The following DSG1 variants were observed in gnomAD, a reference collection of about 807,000 sequenced individuals.
DSG1 encodes the protein desmoglein 1, also known as desmoglein-1.
In DSG1, 39 loss-of-function variants were observed where a neutral mutation model predicts 97.5. The observed-to-expected ratio is 0.40, with a 90% CI of 0.31 to 0.52. The LOEUF (loss-of-function observed/expected upper bound fraction) is 0.52, where lower values mean the gene tolerates loss of function less well. Among genes scored for constraint, DSG1 ranks in the 20% least tolerant of loss-of-function variants. DSG1 has a pLI of 0.53. For missense variants in DSG1, 1,311 were observed against 1,295.4 expected (o/e 1.01, Z -0.18); for synonymous variants, 475 against 443.4 (o/e 1.07, Z -0.90).
intron 4 of DSG1, among the ~76,000 whole-genome samples, chr18:31,329,236 A>G (rs1045543245): frequency 2.0e-5 from 3 of 151,822 alleles, no homozygotes; most frequent in African/African-American, 2.4e-5. Flanking sequence ...ATTTCTCTCT[A>G]TCGTCATGGC....
chr18:31,324,664 C>T (rs1182559802), intron 1 of DSG1, among the ~76,000 whole-genome samples: 1 of 152,138 alleles, frequency 6.6e-6, no homozygotes, highest in Non-Finnish European at 1.5e-5. Context: ...CCCATTTGTT[C>T]TCAAGCCCTG....
In DSG1 at chr18:31,336,532, C is replaced by G. The variant is rs16961655; in HGVS notation, c.1184C>G (p.Thr395Ser). The G allele has an allele frequency of 1.5e-3, 2,473 of 1,613,970 alleles. 29 individuals carry two copies. In the African/African-American group the frequency reaches 0.029, roughly 19 times the overall value. The change falls in exon 9 of 15, where the codon ACT (threonine) becomes AGT (serine). Residue 395 changes from threonine to serine, a missense_variant. By Grantham distance (58) the Thr-to-Ser change is moderately conservative. Coordinates refer to ENST00000257192, the MANE Select transcript of DSG1 (RefSeq NM_001942.4). ...CCAGGTTCAAAGACATATGTTGTAA[C>G]TGGTAATATGGGATCAAATGATAAA... ...FRPGSKTYVV[T>S]GNMGSNDKVG...
At position 31,346,322 on chromosome 18, in the gene DSG1, T is replaced by C; in HGVS notation, c.2100+124T>C. 9 of 826,556 alleles carry C rather than the reference T, an allele frequency of 1.1e-5. No individual in the cohort carries two copies. In the South Asian group the frequency reaches 1.3e-4, roughly 12 times the overall value. 51.2% of individuals were successfully genotyped at this position (826,556 alleles called of 1,614,324 possible). Reference sequence around the variant, plus strand: ...TAACTAGATTCTCAGCCTTTAGTTTTTGTGCCCAACAATCCATGCTGTTAA... The same window carrying C: ...TAACTAGATTCTCAGCCTTTAGTTTCTGTGCCCAACAATCCATGCTGTTAA... On this transcript the variant is annotated intron_variant, in intron 14 of 14. Transcript: ENST00000257192.
At chr18:31,347,869 T>C (rs923670640) in intron 14 of DSG1, 2 of 140,948 alleles carry the variant, frequency 1.4e-5, no homozygotes, top group Non-Finnish European at 2.9e-5. Context: ...AACTATGAAC[T>C]ACTTTTCCAG....
intron 11 of DSG1, 140 bp from the exon 12 acceptor site, chr18:31,343,287 TTTGGGGTCTGACCATCATTCAGC>T: frequency 3.1e-6 from 3 of 961,738 alleles, no homozygotes; most frequent in Non-Finnish European, 4.9e-6. Context: ...TCCCATTTAC[TTTGGGGTCTGACCATCATTCAGC>T]TTGTATTCTG....
Position 31,329,967 on chromosome 18 carries a change from A to T in DSG1, c.448A>T (p.Ile150Leu), listed in dbSNP as rs140424661. Residue 150 changes from isoleucine to leucine, a missense_variant, in exon 5 of 15, where the codon ATA becomes TTA. Ile to Leu is a conservative substitution (Grantham distance 5, BLOSUM62 2). This residue lies in a region of DSG1 where 259 missense variants were observed against 304.1 expected (regional missense o/e 0.85). Transcript: ENST00000257192. ...PLELRVRVLD[I>L]NDNPPVFSMA... is the part of the protein sequence containing the mutation. ...AGAGCTCAGAGTCAGGGTTTTGGAT[A>T]TAAATGACAACCCTCCAGTGTTTTC... The T allele has an allele frequency of 6.2e-7, 1 of 1,613,386 alleles. No individual in the cohort carries two copies. Among genetic ancestry groups the T allele is most frequent in the African/African-American group, 1.3e-5 (1 of 75,028 alleles).
intron 1 of DSG1, among the ~76,000 whole-genome samples, chr18:31,322,478 C>A (rs985702655): frequency 6.6e-6 from 1 of 152,184 alleles, no homozygotes; most frequent in African/African-American, 2.4e-5. Context: ...AAGTCTTAAT[C>A]TAGTGTTGGA....
rs758462730 is a variant in DSG1, at chr18:31,319,518, G to A, written c.48+1170G>A. 1.8e-4 allele frequency among the ~76,000 whole-genome samples: 27 copies of A among 152,174 alleles called. No homozygotes were observed. In the South Asian group the frequency reaches 2.3e-3, roughly 13 times the overall value. On this transcript the variant is annotated intron_variant, in intron 1 of 14. Transcript: ENST00000257192. ...CCTTCAAACATTAGTCCTATCCCATGCTCTTTTCAGTGGATATTTAGGATC... is the reference window on the plus strand; with the variant it reads ...CCTTCAAACATTAGTCCTATCCCATACTCTTTTCAGTGGATATTTAGGATC...
chr18:31,353,626 C>T (rs1388819354), intron 14 of DSG1, among the ~76,000 whole-genome samples: 3 of 152,016 alleles, frequency 2.0e-5, no homozygotes, highest in East Asian at 3.9e-4. Flanking sequence ...AGCGAGACTC[C>T]GTGGGCGTAG....
Position 31,359,132 on chromosome 18 carries a change from A to T in DSG1, c.*3786A>T, listed in dbSNP as rs907812165. On this transcript the variant is annotated 3_prime_UTR_variant, in exon 15 of 15. Transcript: ENST00000257192. Reference sequence around the variant, plus strand: ...GGTTCTCTTATTCAAGTTTCAATATAAAAGTTTTTGGATTATTTGGGTGCT... The same window carrying T: ...GGTTCTCTTATTCAAGTTTCAATATTAAAGTTTTTGGATTATTTGGGTGCT... Among the ~76,000 whole-genome samples, 1 of 152,134 alleles carries T rather than the reference A, an allele frequency of 6.6e-6. No individual in the cohort carries two copies. The highest frequency in any genetic ancestry group is 2.4e-5 in the African/African-American group (1 of 41,456).
intron 14 of DSG1, chr18:31,347,586 T>G (rs2071851130): frequency 6.6e-6 from 1 of 152,236 alleles, no homozygotes; most frequent in South Asian, 2.1e-4. Flanking sequence ...TGGTTTCCTA[T>G]AAGGTATTTC....
At position 31,328,359 on chromosome 18, in the gene DSG1, T is replaced by A. The variant is rs373204718; in HGVS notation, c.372+15T>A. The A allele has an allele frequency of 4.4e-6, 7 of 1,607,350 alleles. No individual in the cohort carries two copies. In the African/African-American group the frequency reaches 5.4e-5, roughly 12 times the overall value. ...CTTTCTTCATTGTAAGTGGACTTCA[T>A]GTCAATATATATGTTCATGCTTAAA... On this transcript the variant is annotated intron_variant, in intron 4 of 14. Transcript: ENST00000257192.
chr18:31,329,933 G>T lies in DSG1; in HGVS notation c.414G>T (p.Glu138Asp). The T allele has an allele frequency of 3.7e-6, 6 of 1,613,272 alleles. No homozygotes were observed. The highest frequency in any genetic ancestry group is 5.1e-6 in the Non-Finnish European group (6 of 1,179,372). ...RALNSMGQDL[E>D]RPLELRVRVL... ...TGAACTCAATGGGCCAAGATTTAGA[G>T]AGGCCTCTAGAGCTCAGAGTCAGGG... is the stretch of plus-strand genomic sequence containing the variant. Residue 138 changes from glutamate to aspartate, a missense_variant, in exon 5 of 15, where the codon GAG (glutamate) becomes GAT (aspartate). Glu to Asp is a conservative substitution (Grantham distance 45). This residue lies in a region of DSG1 where 259 missense variants were observed against 304.1 expected (regional missense o/e 0.85). Transcript: ENST00000257192.
At chr18:31,322,251 C>A (rs929719310) in intron 1 of DSG1, among the ~76,000 whole-genome samples, 1 of 152,228 alleles carries the variant, frequency 6.6e-6, no homozygotes, top group African/African-American at 2.4e-5. Flanking sequence ...TGCACCAGTG[C>A]AAGATTGCTC....
chr18:31,333,474 T>C (rs2071732801), intron 6 of DSG1, 115 bp from the exon 7 acceptor site: 12 of 1,246,574 alleles, frequency 9.6e-6, no homozygotes, highest in Non-Finnish European at 1.3e-5. Flanking sequence ...GTGTTAACCC[T>C]ACCTCTATCA....
chr18:31,332,531 G>T (rs1030469805), intron 6 of DSG1, among the ~76,000 whole-genome samples: 2 of 151,904 alleles, frequency 1.3e-5, no homozygotes, highest in African/African-American at 2.4e-5. Flanking sequence ...CATGCCTTGT[G>T]ATTTTATGAT....
rs760615244 is a variant in DSG1, at chr18:31,355,009, G to A, written c.2813G>A (p.Ser938Asn). 17 of 1,614,130 alleles carry A rather than the reference G, an allele frequency of 1.1e-5. No individual in the cohort carries two copies. Among genetic ancestry groups the A allele is most frequent in the Non-Finnish European group, 1.4e-5 (16 of 1,180,050 alleles). Reference protein sequence around the residue: ...QPTSGMIGSLSMHPELANAHN... With the variant: ...QPTSGMIGSLNMHPELANAHN... ...ACTTCCGGCATGATAGGTAGTCTGA[G>A]TATGCACCCCGAGTTAGCCAATGCC... is the stretch of plus-strand genomic sequence containing the variant. Residue 938 changes from serine (S) to asparagine (N), a missense_variant, in exon 15 of 15, where the codon AGT (serine) becomes AAT (asparagine). Ser to Asn is a conservative substitution (Grantham distance 46, BLOSUM62 1). This residue lies in a region of DSG1 where 1,038 missense variants were observed against 964.6 expected (regional missense o/e 1.08). Coordinates refer to ENST00000257192, the MANE Select transcript of DSG1 (RefSeq NM_001942.4).
At chr18:31,323,409 T>C (rs1050265181) in intron 1 of DSG1, among the ~76,000 whole-genome samples, 1 of 152,248 alleles carries the variant, frequency 6.6e-6, no homozygotes, top group African/African-American at 2.4e-5. Context: ...GGACAAAGTC[T>C]AGGTCATTTA....
intron 11 of DSG1, among the ~76,000 whole-genome samples, chr18:31,342,888 A>G (rs1053813044): frequency 1.4e-5 from 2 of 147,192 alleles, no homozygotes; most frequent in East Asian, 3.9e-4. Flanking sequence ...ATAATGTAAT[A>G]CTATCTGTGA....
Sources: gnomAD v4.1 joint callset for allele counts (sites outside exome capture counted in the v4.1 genomes callset) on GRCh38, gnomAD v4.1.1 for gene constraint, gnomAD v4.1.1 regional missense constraint, MANE v1.5 for transcripts, NCBI Gene and HGNC (gene_info 2026-07-23, HGNC 2026-07-21) for gene names.